The following FMNL2 variants were observed in gnomAD, a reference collection of about 807,000 sequenced individuals.
The protein encoded by FMNL2 is formin-like protein 2.
In FMNL2, 51 loss-of-function variants were observed where a neutral mutation model predicts 130.2. That is an observed-to-expected ratio of 0.39 (90% CI 0.31 to 0.49). The LOEUF (loss-of-function observed/expected upper bound fraction) is 0.49, where lower values mean the gene tolerates loss of function less well. Among genes scored for constraint, FMNL2 ranks in the 20% least tolerant of loss-of-function variants. The probability of loss-of-function intolerance (pLI) is 0.85; values close to 1 mark genes in which losing one functional copy is unlikely to be tolerated. For missense variants in FMNL2, 977 were observed against 1,316.2 expected (o/e 0.74, Z 3.99); for synonymous variants, 465 against 467.1 (o/e 1.00, Z 0.06).
chr2:152,383,273 C>CTTTTTTTTTTTTTT (rs35206829), intron 1 of FMNL2, among the ~76,000 whole-genome samples: 1 of 97,600 alleles, frequency 1.0e-5, no homozygotes, highest in Non-Finnish European at 2.0e-5. Flanking sequence ...TCCGTTAATC[C>CTTTTTTTTTTTTTT]TTTTTTTTTT....
intron 1 of FMNL2, among the ~76,000 whole-genome samples, chr2:152,492,631 G>C (rs1323408928): frequency 6.6e-6 from 1 of 152,078 alleles, no homozygotes; most frequent in Non-Finnish European, 1.5e-5. Context: ...AATTTTCCAT[G>C]TTTGTTTTGA....
chr2:152,511,341 A>G (rs1579847113), intron 1 of FMNL2, among the ~76,000 whole-genome samples: 1 of 152,244 alleles, frequency 6.6e-6, no homozygotes, highest in East Asian at 1.9e-4. Context: ...TGCAAATCAC[A>G]TTTTAATATG....
chr2:152,571,949 G>T (rs748669624), intron 6 of FMNL2, among the ~76,000 whole-genome samples: 1 of 151,326 alleles, frequency 6.6e-6, no homozygotes, highest in Non-Finnish European at 1.5e-5. Context: ...GTAGAGTTTT[G>T]GGGCACTAAT....
chr2:152,458,260 C>T (rs1001997597), intron 1 of FMNL2, among the ~76,000 whole-genome samples: 4 of 152,198 alleles, frequency 2.6e-5, no homozygotes, highest in Admixed American at 2.0e-4. Context: ...CTAGACAGCC[C>T]CATTTGATAT....
At chr2:152,367,458 C>T (rs145556733) in intron 1 of FMNL2, among the ~76,000 whole-genome samples, 19 of 152,316 alleles carry the variant, frequency 1.2e-4, no homozygotes, top group African/African-American at 3.8e-4. Context: ...TTTCTATATA[C>T]TTAATGCTTT....
At position 152,619,552 on chromosome 2, in the gene FMNL2, G is replaced by GCCACCCCCCCCCCCACCC; in HGVS notation, c.1673_1674insACCCCCCCCCCCACCCCC (p.Pro568_Pro573dup). ...CACCACCTATGCCACCGCCGCCGCC[G>GCCACCCCCCCCCCCACCC]CCCCCTCCTCCACCTCCTCCTCCCC... On this transcript the variant is annotated inframe_insertion, in exon 15 of 26. Transcript: ENST00000288670. The GCCACCCCCCCCCCCACCC allele has an allele frequency of 7.1e-7, 1 of 1,417,706 alleles. No individual in the cohort carries two copies. Among genetic ancestry groups the GCCACCCCCCCCCCCACCC allele is most frequent in the South Asian group, 1.3e-5 (1 of 79,022 alleles). 87.8% of individuals were successfully genotyped at this position (1,417,706 alleles called of 1,614,324 possible).
At chr2:152,537,089 C>T (rs1361607441) in intron 2 of FMNL2, among the ~76,000 whole-genome samples, 2 of 152,132 alleles carry the variant, frequency 1.3e-5, no homozygotes, top group Admixed American at 1.3e-4. Context: ...AGGGAGAGGA[C>T]GAACCAAAGA....
intron 1 of FMNL2, among the ~76,000 whole-genome samples, chr2:152,452,757 T>C (rs1489735343): frequency 7.4e-6 from 1 of 135,764 alleles, no homozygotes; most frequent in Admixed American, 8.2e-5. Flanking sequence ...CATACCTTTG[T>C]CGAGGGCCCG....
chr2:152,471,789 AC>A (rs1689871542), intron 1 of FMNL2, among the ~76,000 whole-genome samples: 1 of 152,120 alleles, frequency 6.6e-6, no homozygotes, highest in Non-Finnish European at 1.5e-5. Flanking sequence ...CACTGCCAAG[AC>A]TTTTCTTTGG....
intron 4 of FMNL2, among the ~76,000 whole-genome samples, chr2:152,556,239 A>G (rs1158401610): frequency 6.6e-6 from 1 of 152,150 alleles, no homozygotes; most frequent in East Asian, 1.9e-4. Flanking sequence ...TAAAGTGGGG[A>G]AGGTAGCCAG....
intron 1 of FMNL2, among the ~76,000 whole-genome samples, chr2:152,375,770 A>G (rs1684118142): frequency 6.6e-6 from 1 of 150,972 alleles, no homozygotes; most frequent in Non-Finnish European, 1.5e-5. Flanking sequence ...TTGCTTTGTT[A>G]TGATTATCTA....
At chr2:152,644,620 A>C (rs1041889091) in intron 25 of FMNL2, among the ~76,000 whole-genome samples, 1 of 152,198 alleles carries the variant, frequency 6.6e-6, no homozygotes, top group Non-Finnish European at 1.5e-5. Context: ...TGTTGGAGCA[A>C]AGCTGTGAGG....
chr2:152,461,385 G>T (rs1293507395), intron 1 of FMNL2, among the ~76,000 whole-genome samples: 2 of 151,880 alleles, frequency 1.3e-5, no homozygotes, highest in Non-Finnish European at 2.9e-5. Flanking sequence ...AAGTCTTTGA[G>T]ATCTGGTGTA....
At chr2:152,501,016 G>T (rs1421446750) in intron 1 of FMNL2, among the ~76,000 whole-genome samples, 1 of 152,262 alleles carries the variant, frequency 6.6e-6, no homozygotes, top group Non-Finnish European at 1.5e-5. Context: ...AGGCAGGCCG[G>T]TGCTGTGAGG....
At chr2:152,398,383 G>T (rs1456817883) in intron 1 of FMNL2, among the ~76,000 whole-genome samples, 1 of 152,158 alleles carries the variant, frequency 6.6e-6, no homozygotes, top group African/African-American at 2.4e-5. Flanking sequence ...TCAAAGAGAT[G>T]CGAGAATTAT....
chr2:152,438,027 CT>C (rs2106118161), intron 1 of FMNL2, among the ~76,000 whole-genome samples: 1 of 152,258 alleles, frequency 6.6e-6, no homozygotes, highest in Non-Finnish European at 1.5e-5. Flanking sequence ...TACATGGAAA[CT>C]TTGGAAGCTG....
chr2:152,336,320 C>G (rs1399164841), intron 1 of FMNL2, among the ~76,000 whole-genome samples: 1 of 152,160 alleles, frequency 6.6e-6, no homozygotes, highest in African/African-American at 2.4e-5. Context: ...GTGCGGCGCC[C>G]CGGCCCTTGG....
intron 15 of FMNL2, chr2:152,625,234 T>C (rs1033213749): frequency 2.3e-5 from 11 of 488,502 alleles, no homozygotes; most frequent in African/African-American, 1.7e-4. Context: ...AATACAATGA[T>C]GTGTTAGTCA....
intron 6 of FMNL2, among the ~76,000 whole-genome samples, chr2:152,568,223 T>TTTTTTTGTTTGTTTTGTTTTTG (rs1553478440): frequency 2.3e-4 from 30 of 132,302 alleles, no homozygotes; most frequent in East Asian, 2.0e-3. Flanking sequence ...GGTGGGTTTT[T>TTTTTTTGTTTGTTTTGTTTTTG]TTTTTTTTTT....
Sources: allele counts gnomAD v4.1 joint callset (sites outside exome capture counted in the v4.1 genomes callset), GRCh38; gene constraint gnomAD v4.1.1; transcripts MANE v1.5; gene names NCBI Gene and HGNC (gene_info 2026-07-23, HGNC 2026-07-21).